The following CDC25A variants were observed in gnomAD, a reference collection of about 807,000 sequenced individuals.
CDC25A encodes the protein cell division cycle 25A.
CDC25A carries 17 observed loss-of-function variants against 64.6 expected under a neutral mutation model. That is an observed-to-expected ratio of 0.26 (90% CI 0.18 to 0.39). The LOEUF (loss-of-function observed/expected upper bound fraction) is 0.39. Ranked by LOEUF, CDC25A falls within the 10% of genes least tolerant of loss-of-function variation. CDC25A has a pLI of 1.00. For synonymous variants in CDC25A, 229 were observed against 238.6 expected, an observed-to-expected ratio of 0.96 and a Z score of 0.37; for missense variants, 473 against 654.8, an observed-to-expected ratio of 0.72 and a Z score of 3.03.
intron 3 of CDC25A, 85 bp from the exon 4 acceptor site, chr3:48,183,921 A>ACCCCCAAGCTACAG: frequency 1.2e-6 from 1 of 800,364 alleles, no homozygotes; most frequent in Non-Finnish European, 2.1e-6. Flanking sequence ...TTTAGCCTGT[A>ACCCCCAAGCTACAG]GCTTGGGGGT....
At chr3:48,173,079 C>T (rs1040304452) in intron 9 of CDC25A, among the ~76,000 whole-genome samples, 16 of 151,352 alleles carry the variant, frequency 1.1e-4, no homozygotes, top group Non-Finnish European at 1.5e-4. Flanking sequence ...ATTAGCCAGG[C>T]GTGGTGGCGG....
intron 2 of CDC25A, among the ~76,000 whole-genome samples, chr3:48,185,975 A>G (rs2032829935): frequency 6.6e-6 from 1 of 152,214 alleles, no homozygotes; most frequent in Non-Finnish European, 1.5e-5. Flanking sequence ...TCTTTGCACC[A>G]ATGGTCTTAT....
intron 13 of CDC25A, among the ~76,000 whole-genome samples, chr3:48,161,756 ATT>A (rs2031775222): frequency 6.6e-6 from 1 of 152,022 alleles, no homozygotes; most frequent in Non-Finnish European, 1.5e-5. Flanking sequence ...TTTAAAAACA[ATT>A]TACATGTGTG....
chr3:48,172,848 A>G (rs1358797427), intron 9 of CDC25A, among the ~76,000 whole-genome samples: 2 of 152,116 alleles, frequency 1.3e-5, no homozygotes, highest in Non-Finnish European at 2.9e-5. Context: ...TGGGTGACAG[A>G]GAGACCCTGT....
In CDC25A at chr3:48,177,866, T is replaced by C. The variant is rs1461551307; in HGVS notation, c.672A>G (p.Gly224=). Residue 224 remains glycine (G), a synonymous_variant, in exon 7 of 15, where the codon GGA becomes GGG. Coordinates refer to ENST00000302506, the MANE Select transcript of CDC25A (RefSeq NM_001789.3). The part of the protein sequence containing the change: ...EDDGFVDLLD[G]ENLKNEEETP... ...ACACACACGGTACCTTCAGATTCTC[T>C]CCATCGAGAAGGTCCACGAAGCCAT... is the stretch of plus-strand genomic sequence containing the variant. 8.7e-6 allele frequency: 14 copies of C among 1,613,916 alleles called. No homozygotes were observed. Among genetic ancestry groups the C allele is most frequent in the Non-Finnish European group, 1.2e-5 (14 of 1,179,954 alleles).
intron 13 of CDC25A, among the ~76,000 whole-genome samples, chr3:48,161,708 C>G (rs1323187344): frequency 6.7e-6 from 1 of 149,912 alleles, no homozygotes; most frequent in African/African-American, 2.5e-5. Flanking sequence ...GACCCTGACT[C>G]AAAAATAAAA....
At chr3:48,165,803 G>A in intron 11 of CDC25A, 28 bp downstream of exon 11, 2 of 1,591,290 alleles carry the variant, frequency 1.3e-6, no homozygotes, top group Middle Eastern at 1.7e-4. Flanking sequence ...TACCCGATGT[G>A]TGGTGGGTTT....
At position 48,182,991 on chromosome 3, in the gene CDC25A, G is replaced by A; in HGVS notation, c.367C>T (p.His123Tyr). 6.2e-7 allele frequency: 1 copy of A among 1,613,664 alleles called. No homozygotes were observed. The highest frequency in any genetic ancestry group is 8.5e-7 in the Non-Finnish European group (1 of 1,179,576). ...LGCSPALKRS[H>Y]SDSLDHDIFQ... ...ATGTCATGGTCAAGAGAATCAGAAT[G>A]GCTCCTCTTCAGAGCTGGACTACAT... is the stretch of plus-strand genomic sequence containing the variant. Residue 123 changes from histidine (H) to tyrosine (Y), a missense_variant, in exon 5 of 15, where the codon CAT (histidine) becomes TAT (tyrosine). Physicochemically the swap from His to Tyr is moderately conservative, Grantham distance 83. Around this residue, in one of 2 missense-constraint regions of CDC25A, gnomAD observed 376 missense variants for 431.9 expected, o/e 0.87. Coordinates refer to ENST00000302506, the MANE Select transcript of CDC25A (RefSeq NM_001789.3).
chr3:48,172,168 A>C (rs2032294789), intron 9 of CDC25A, among the ~76,000 whole-genome samples: 1 of 152,162 alleles, frequency 6.6e-6, no homozygotes, highest in Non-Finnish European at 1.5e-5. Context: ...TGTGCCCCCC[A>C]CAAACAAAAA....
chr3:48,168,055 TAAG>T, intron 9 of CDC25A, 111 bp from the exon 10 acceptor site: 1 of 629,294 alleles, frequency 1.6e-6, no homozygotes, highest in Admixed American at 2.8e-5. Flanking sequence ...CTACATTTAG[TAAG>T]AAGTTTTTAT....
chr3:48,175,029 G>C (rs980537912), intron 8 of CDC25A, among the ~76,000 whole-genome samples: 1 of 152,158 alleles, frequency 6.6e-6, no homozygotes, highest in Non-Finnish European at 1.5e-5. Context: ...TAATTTCCCA[G>C]GCTGGGCGCG....
At chr3:48,160,006 C>A (rs1270887736) in intron 13 of CDC25A, among the ~76,000 whole-genome samples, 1 of 152,142 alleles carries the variant, frequency 6.6e-6, no homozygotes, top group East Asian at 1.9e-4. Flanking sequence ...GCTCTACAGG[C>A]CCCTACTGCT....
At chr3:48,176,401 G>GTA (rs1312888910) in intron 8 of CDC25A, among the ~76,000 whole-genome samples, 3 of 151,286 alleles carry the variant, frequency 2.0e-5, no homozygotes, top group Admixed American at 1.3e-4. Flanking sequence ...GTATGTGTGT[G>GTA]TATATATATG....
Position 48,158,938 on chromosome 3 carries a change from G to C in CDC25A, c.*7C>G. ...GCTTGGGCTGCTGCTGGCTGGTCCTGCCGCCCTCAGAGCTTCTTCAGACGA... is the reference window on the plus strand; with the variant it reads ...GCTTGGGCTGCTGCTGGCTGGTCCTCCCGCCCTCAGAGCTTCTTCAGACGA... On this transcript the variant is annotated 3_prime_UTR_variant, in exon 15 of 15. Coordinates refer to ENST00000302506, the MANE Select transcript of CDC25A (RefSeq NM_001789.3). 1.9e-6 allele frequency: 3 copies of C among 1,613,956 alleles called. No individual in the cohort carries two copies. Among genetic ancestry groups the C allele is most frequent in the Non-Finnish European group, 2.5e-6 (3 of 1,179,914 alleles).
rs1390335077 is a variant in CDC25A at position 48,187,997 on chromosome 3, C to A, written c.-50G>T. 2.3e-6 allele frequency: 3 copies of A among 1,327,826 alleles called. No homozygotes were observed. The highest frequency in any genetic ancestry group is 4.0e-5 in the Admixed American group (1 of 24,752). 82.3% of individuals were successfully genotyped at this position (1,327,826 alleles called of 1,614,324 possible). ...CCCGCTCCCTCTTCCTCTGCCTCCGCCGCGACCGCCCCGCCCCGCCGACAC... is the reference window on the plus strand; with the variant it reads ...CCCGCTCCCTCTTCCTCTGCCTCCGACGCGACCGCCCCGCCCCGCCGACAC... On this transcript the variant is annotated 5_prime_UTR_variant, in exon 1 of 15. Transcript: ENST00000302506.
At chr3:48,175,295 C>T (rs957764305) in intron 8 of CDC25A, among the ~76,000 whole-genome samples, 10 of 152,016 alleles carry the variant, frequency 6.6e-5, no homozygotes, top group African/African-American at 2.2e-4. Flanking sequence ...AAGACTCTGT[C>T]TCAATAAATA....
At chr3:48,183,194 G>C (rs1421119992) in intron 4 of CDC25A, among the ~76,000 whole-genome samples, 164 bp from the exon 5 acceptor site, 3 of 152,134 alleles carry the variant, frequency 2.0e-5, no homozygotes, top group Admixed American at 2.0e-4. Flanking sequence ...ACCTTGCCAG[G>C]ACACAGCCAG....
In CDC25A at chr3:48,185,023, T is replaced by C. The variant is rs192745158; in HGVS notation, c.248-328A>G. On this transcript the variant is annotated intron_variant, in intron 2 of 14. Coordinates refer to ENST00000302506, the MANE Select transcript of CDC25A (RefSeq NM_001789.3). ...TTCAGATAGAGGTGACCCAGATAAC[T>C]TTCTGTGAGTTCCAACCATAGAAAC... Among the ~76,000 whole-genome samples, 30 of 152,322 alleles carry C rather than the reference T, an allele frequency of 2.0e-4. No individual in the cohort carries two copies. The East Asian group carries it at 4.4e-3, about 23-fold the overall frequency.
chr3:48,165,777 G>GAAA (rs780571161), intron 11 of CDC25A, 43 bp from the exon 12 acceptor site: 1 of 1,591,282 alleles, frequency 6.3e-7, no homozygotes, highest in Non-Finnish European at 8.6e-7. Flanking sequence ...GACCGTCAGG[G>GAAA]AAAACTAGAT....
Sources: gnomAD v4.1 joint callset for allele counts (sites outside exome capture counted in the v4.1 genomes callset) on GRCh38, gnomAD v4.1.1 for gene constraint, gnomAD v4.1.1 regional missense constraint, MANE v1.5 for transcripts, NCBI Gene and HGNC (gene_info 2026-07-23, HGNC 2026-07-21) for gene names.